The following PTCH1 variants were observed in gnomAD, a reference collection of about 807,000 sequenced individuals.
PTCH1 encodes protein patched homolog 1.
In PTCH1, 14 loss-of-function variants were observed where a neutral mutation model predicts 144.6. The ratio of observed to expected loss-of-function variants is 0.10; its 90% CI spans 0.06 to 0.15. The LOEUF (loss-of-function observed/expected upper bound fraction) is 0.15. Ranked by LOEUF, PTCH1 falls within the 10% of genes least tolerant of loss-of-function variation. The pLI is 1.00. For synonymous variants in PTCH1, 833 were observed against 793.6 expected (o/e 1.05, Z -0.83); for missense variants, 1,623 against 1,948.3 (o/e 0.83, Z 3.14).
rs1839152686 is a variant in PTCH1, at chr9:95,458,354, T to C, written c.2888-61A>G. 1.4e-5 allele frequency: 22 copies of C among 1,575,580 alleles called. No individual in the cohort carries two copies. The highest frequency in any genetic ancestry group is 1.9e-5 in the Non-Finnish European group (22 of 1,157,656). Reference sequence around the variant, plus strand: ...GGGTAGAAGAGCATCACAGTTTCAATGGAAAGAGAGAAGAACTTTGCATGA... The same window carrying C: ...GGGTAGAAGAGCATCACAGTTTCAACGGAAAGAGAGAAGAACTTTGCATGA... On this transcript the variant is annotated intron_variant, in intron 17 of 23. Transcript: ENST00000331920. The surrounding 1 kb of genome is among the most constrained non-coding windows in gnomAD (Gnocchi z 4.7).
At chr9:95,494,258 A>G in intron 2 of PTCH1, 1 of 985,542 alleles carries the variant, frequency 1.0e-6, no homozygotes, top group Non-Finnish European at 1.2e-6. Flanking sequence ...TCCCTGACGC[A>G]GACCTGCTCG....
intron 15 of PTCH1, among the ~76,000 whole-genome samples, chr9:95,462,333 G>C (rs1839560594): frequency 1.3e-5 from 2 of 152,310 alleles, no homozygotes; most frequent in South Asian, 2.1e-4. Flanking sequence ...ACACGCACCA[G>C]GGTCATTAAC....
chr9:95,446,705 G>A, intron 23 of PTCH1: 1 of 660,062 alleles, frequency 1.5e-6, no homozygotes, highest in Non-Finnish European at 2.6e-6. Flanking sequence ...TGGGGGAAGA[G>A]AGCAGTGTGG....
chr9:95,466,906 G>A (rs1042026153), intron 15 of PTCH1, among the ~76,000 whole-genome samples: 24 of 152,184 alleles, frequency 1.6e-4, no homozygotes, highest in Non-Finnish European at 2.6e-4. Context: ...AAGCTCATCT[G>A]AATTATCTGC....
At position 95,449,315 on chromosome 9, in the gene PTCH1, T is replaced by C. The variant is rs755853999; in HGVS notation, c.3558A>G (p.Pro1186=). The change falls in exon 22 of 24, where the codon CCA becomes CCG. Residue 1186 remains proline, a synonymous_variant. Transcript: ENST00000331920. This position sits in a 1 kb window ranked among gnomAD's most constrained non-coding sequence, Gnocchi z 5.3. ...SFFGPYPEVS[P]ANGLNRLPTP... ...TGGGCAGGCGGTTCAAGCCGTTGGC[T>C]GGAGACACCTATTTAAGGGGATTCC... 1 of 1,550,466 alleles carries C rather than the reference T, an allele frequency of 6.4e-7. No individual in the cohort carries two copies. Among genetic ancestry groups the C allele is most frequent in the South Asian group, 1.2e-5 (1 of 84,488 alleles).
intron 19 of PTCH1, among the ~76,000 whole-genome samples, chr9:95,455,149 G>T (rs1302869889): frequency 6.6e-6 from 1 of 152,304 alleles, no homozygotes; most frequent in East Asian, 1.9e-4. Flanking sequence ...AGAGAATACT[G>T]TTGCCATATT....
At chr9:95,462,109 T>A in intron 15 of PTCH1, 111 bp from the exon 16 acceptor site, 1 of 1,232,370 alleles carries the variant, frequency 8.1e-7, no homozygotes, top group Non-Finnish European at 1.2e-6. Context: ...TAGACGTCCA[T>A]CAGAAACACA....
Position 95,476,137 on chromosome 9 carries a change from T to C in PTCH1, c.1625A>G (p.Lys542Arg), listed in dbSNP as rs758673714. 1.9e-6 allele frequency: 3 copies of C among 1,613,212 alleles called. No individual in the cohort carries two copies. In the Admixed American group the frequency reaches 5.0e-5, roughly 27 times the overall value. ...PFEDRTGECL[K>R]RTGASVALTS... Reference sequence around the variant, plus strand: ...GAGGGCCACGCTGGCTCCTGTGCGCTTCAGGCACTCCCCGGTCCTGTCCTG... The same window carrying C: ...GAGGGCCACGCTGGCTCCTGTGCGCCTCAGGCACTCCCCGGTCCTGTCCTG... Residue 542 changes from lysine (K) to arginine (R), a missense_variant, in exon 12 of 24, where the codon AAG becomes AGG. By Grantham distance (26) the Lys-to-Arg change is conservative. Transcript: ENST00000331920. The surrounding 1 kb of genome is among the most constrained non-coding windows in gnomAD (Gnocchi z 4.6).
chr9:95,451,613 T>C (rs938893477), intron 20 of PTCH1: 1 of 152,250 alleles, frequency 6.6e-6, no homozygotes, highest in Non-Finnish European at 1.5e-5. Context: ...CCCCTGGTTT[T>C]GCCTGTGAAC....
At position 95,459,523 on chromosome 9, in the gene PTCH1, A is replaced by G. The variant is rs992972560; in HGVS notation, c.2887+77T>C. ...GAACCCTGGGTAGCGTCAACGGATG[A>G]AGGCTGTTGCTGAGTTTGGAGAACC... On this transcript the variant is annotated intron_variant, in intron 17 of 23. Coordinates refer to ENST00000331920, the MANE Select transcript of PTCH1 (RefSeq NM_000264.5). 3.9e-6 allele frequency: 6 copies of G among 1,537,342 alleles called. No homozygotes were observed. In the Admixed American group the frequency reaches 6.7e-5, roughly 17 times the overall value.
chr9:95,465,424 C>A (rs1839912721), intron 15 of PTCH1, among the ~76,000 whole-genome samples: 1 of 152,154 alleles, frequency 6.6e-6, no homozygotes. Flanking sequence ...CTCATTATCC[C>A]AAAAACCATT....
chr9:95,505,905 C>T (rs1049741934), intron 2 of PTCH1, among the ~76,000 whole-genome samples: 1 of 148,200 alleles, frequency 6.7e-6, no homozygotes, highest in African/African-American at 2.4e-5. Flanking sequence ...CTCCCCAGCG[C>T]GGCGGCCGCG....
chr9:95,506,924 A>T, intron 1 of PTCH1: 1 of 1,076,294 alleles, frequency 9.3e-7, no homozygotes, highest in East Asian at 6.3e-5. Flanking sequence ...CACTCGACAC[A>T]GACAATATTC....
intron 1 of PTCH1, 168 bp downstream of exon 1, chr9:95,507,993 A>T: frequency 6.6e-7 from 1 of 1,511,362 alleles, no homozygotes; most frequent in Non-Finnish European, 8.8e-7. Context: ...GAGGGTTTGA[A>T]TTTTTCAATC....
chr9:95,507,173 G>C (rs906815072), intron 1 of PTCH1: 2 of 985,436 alleles, frequency 2.0e-6, no homozygotes, highest in Non-Finnish European at 2.4e-6. Context: ...TTTCCATAGC[G>C]TGGGGAGAGG....
At chr9:95,501,023 A>C (rs915607716) in intron 2 of PTCH1, among the ~76,000 whole-genome samples, 1 of 152,226 alleles carries the variant, frequency 6.6e-6, no homozygotes, top group Non-Finnish European at 1.5e-5. Flanking sequence ...CTATAAATAC[A>C]GGAATGGGAT....
Position 95,468,829 on chromosome 9 carries a change from C to T in PTCH1, c.2172G>A (p.Glu724=). 1 of 1,614,116 alleles carries T rather than the reference C, an allele frequency of 6.2e-7. No homozygotes were observed. Among genetic ancestry groups the T allele is most frequent in the Non-Finnish European group, 8.5e-7 (1 of 1,180,020 alleles). The change falls in exon 14 of 24, where the codon GAG becomes GAA. Residue 724 remains glutamate, a synonymous_variant. Coordinates refer to ENST00000331920, the MANE Select transcript of PTCH1 (RefSeq NM_000264.5). ...AGAGTGTCCACTTCGTACAGGGGGG[C>T]TCGAGGCAGTGGAGGCTGGAGTCGG... ...QFSDSSLHCL[E]PPCTKWTLSS...
intron 2 of PTCH1, among the ~76,000 whole-genome samples, chr9:95,492,891 T>C (rs536622203): frequency 6.6e-6 from 1 of 152,252 alleles, no homozygotes; most frequent in African/African-American, 2.4e-5. Context: ...CAGAGAGTCC[T>C]GTCTTAGAGG....
Position 95,477,711 on chromosome 9 carries a change from A to G in PTCH1, c.1348-9T>C. ...AGACAGGCATAGGCGAGCTGCAAGC[A>G]GAACAATGGGGGCACAGAACAAAAG... On this transcript the variant is annotated splice_polypyrimidine_tract_variant and intron_variant, in intron 9 of 23. Transcript: ENST00000331920. The G allele has an allele frequency of 6.2e-7, 1 of 1,614,118 alleles. No individual in the cohort carries two copies. The highest frequency in any genetic ancestry group is 8.5e-7 in the Non-Finnish European group (1 of 1,179,990).
Sources: gnomAD v4.1 joint callset for allele counts (sites outside exome capture counted in the v4.1 genomes callset) on GRCh38, gnomAD v4.1.1 for gene constraint, Gnocchi (gnomAD v3.1) non-coding constraint, MANE v1.5 for transcripts, NCBI Gene and HGNC (gene_info 2026-07-23, HGNC 2026-07-21) for gene names.